The following PRDM2 variants were observed in gnomAD, a reference collection of about 807,000 sequenced individuals.
PRDM2 encodes the protein PR/SET domain 2.
Under a neutral mutation model 130.0 loss-of-function variants are expected in PRDM2, and 30 were observed. The ratio of observed to expected loss-of-function variants is 0.23; its 90% CI spans 0.17 to 0.31. PRDM2 has a LOEUF of 0.31. Ranked by LOEUF, PRDM2 falls within the 10% of genes least tolerant of loss-of-function variation. The pLI, the probability that PRDM2 is intolerant of heterozygous loss-of-function variation, is 1.00. For missense variants in PRDM2, 2,011 were observed against 2,108.4 expected (o/e 0.95, Z 0.90); for synonymous variants, 871 against 782.4 (o/e 1.11, Z -1.89).
At chr1:13,774,924 T>C (rs2744695) in intron 7 of PRDM2, among the ~76,000 whole-genome samples, 10 of 148,930 alleles carry the variant, frequency 6.7e-5, no homozygotes, top group South Asian at 6.3e-4. Flanking sequence ...GCCGAGATCG[T>C]GCCACTGCAC....
chr1:13,781,822 G>C lies in PRDM2; in HGVS notation c.4027G>C (p.Asp1343His). The C allele has an allele frequency of 6.2e-7, 1 of 1,614,134 alleles. No individual in the cohort carries two copies. Among genetic ancestry groups the C allele is most frequent in the Non-Finnish European group, 8.5e-7 (1 of 1,180,036 alleles). ...IRCTKCGKGV[D>H]NMPELHKHIL... The stretch of plus-strand genomic sequence containing the variant: ...CTGCACAAAGTGTGGAAAAGGTGTC[G>C]ACAATATGCCGGAGTTGCACAAACA... The change falls in exon 8 of 10, where the codon GAC becomes CAC. Residue 1343 changes from aspartate (D) to histidine (H), a missense_variant. Asp to His is a moderately conservative substitution (Grantham distance 81). Coordinates refer to ENST00000311066, the MANE Select transcript of PRDM2 (RefSeq NM_001393986.1). The surrounding 1 kb of genome is among the most constrained non-coding windows in gnomAD (Gnocchi z 6.1).
At chr1:13,772,299 T>C (rs1644377269) in intron 6 of PRDM2, 1 of 152,246 alleles carries the variant, frequency 6.6e-6, no homozygotes, top group South Asian at 2.1e-4. Flanking sequence ...GTATTATTAC[T>C]CCTATAGATA....
chr1:13,765,332 C>T (rs1644199194), intron 6 of PRDM2, among the ~76,000 whole-genome samples: 1 of 152,170 alleles, frequency 6.6e-6, no homozygotes, highest in Non-Finnish European at 1.5e-5. Context: ...TTTAGGTATC[C>T]ATTTCCAGCT....
At position 13,763,129 on chromosome 1, in the gene PRDM2, G is replaced by A. The variant is rs1295673738; in HGVS notation, c.512-9949G>A. Among the ~76,000 whole-genome samples the A allele has an allele frequency of 3.3e-5, 5 of 152,186 alleles. No homozygotes were observed. The East Asian group carries it at 9.6e-4, about 29-fold the overall frequency. On this transcript the variant is annotated intron_variant, in intron 6 of 9. Transcript: ENST00000311066. ...TAAGAGAAGCAAAATAAAGGCTGAG[G>A]TAAAGAATGATGATCACAGCCAACT...
chr1:13,758,173 G>C (rs1189074277), intron 6 of PRDM2, among the ~76,000 whole-genome samples: 3 of 152,098 alleles, frequency 2.0e-5, no homozygotes. Flanking sequence ...GCCAGGCGCG[G>C]TGGCTCACAC....
Position 13,781,321 on chromosome 1 carries a change from G to A in PRDM2, c.3526G>A (p.Asp1176Asn), listed in dbSNP as rs760500682. The change falls in exon 8 of 10, where the codon GAC becomes AAC. Residue 1176 changes from aspartate (D) to asparagine (N), a missense_variant. Physicochemically the swap from Asp to Asn is conservative, Grantham distance 23. Transcript: ENST00000311066. This position sits in a 1 kb window ranked among gnomAD's most constrained non-coding sequence, Gnocchi z 6.1. ...FCVQLFKDKT[D>N]LSEHRFLLHG... is the part of the protein sequence containing the mutation. ...TGTGCAGCTTTTTAAGGATAAAACGGACTTGTCAGAACATCGCTTTTTGCT... is the reference window on the plus strand; with the variant it reads ...TGTGCAGCTTTTTAAGGATAAAACGAACTTGTCAGAACATCGCTTTTTGCT... The A allele has an allele frequency of 6.2e-7, 1 of 1,614,176 alleles. No individual in the cohort carries two copies. Among genetic ancestry groups the A allele is most frequent in the Non-Finnish European group, 8.5e-7 (1 of 1,180,034 alleles).
chr1:13,779,475 C>G lies in PRDM2; in HGVS notation c.1680C>G (p.Ser560Arg). The stretch of plus-strand genomic sequence containing the variant: ...ATGTGTACATCATGGACATTTCTAG[C>G]AATATCTCTGAAAACTTAAATTACT... The part of the protein sequence containing the change: ...ADDVYIMDIS[S>R]NISENLNYYI... Residue 560 changes from serine to arginine, a missense_variant, in exon 8 of 10, where the codon AGC (serine) becomes AGG (arginine). Physicochemically the swap from Ser to Arg is moderately radical, Grantham distance 110. Coordinates refer to ENST00000311066, the MANE Select transcript of PRDM2 (RefSeq NM_001393986.1). The surrounding 1 kb of genome is among the most constrained non-coding windows in gnomAD (Gnocchi z 4.9). The G allele has an allele frequency of 6.2e-7, 1 of 1,614,056 alleles. No homozygotes were observed. Among genetic ancestry groups the G allele is most frequent in the Non-Finnish European group, 8.5e-7 (1 of 1,179,930 alleles).
intron 8 of PRDM2, among the ~76,000 whole-genome samples, chr1:13,783,694 TC>T (rs148909333): frequency 6.6e-6 from 1 of 152,332 alleles, no homozygotes; most frequent in Non-Finnish European, 1.5e-5. Flanking sequence ...TTCTCAAACT[TC>T]CTGAGTCCTT....
At chr1:13,772,431 C>T (rs1644380256) in intron 6 of PRDM2, among the ~76,000 whole-genome samples, 1 of 152,142 alleles carries the variant, frequency 6.6e-6, no homozygotes, top group Admixed American at 6.5e-5. Context: ...TTCTGAATTC[C>T]ATCCTCTGAA....
chr1:13,763,435 C>G (rs551305530), intron 6 of PRDM2, among the ~76,000 whole-genome samples: 1 of 152,116 alleles, frequency 6.6e-6, no homozygotes, highest in African/African-American at 2.4e-5. Context: ...TTTTTAATCC[C>G]TTTAAAGTCT....
At chr1:13,739,374 G>A (rs1165089456) in intron 4 of PRDM2, among the ~76,000 whole-genome samples, 2 of 152,024 alleles carry the variant, frequency 1.3e-5, no homozygotes, top group Non-Finnish European at 2.9e-5. Flanking sequence ...AATCATCAAC[G>A]TATTGTGAAT....
At chr1:13,740,229 G>T (rs2100501757) in intron 4 of PRDM2, among the ~76,000 whole-genome samples, 1 of 152,326 alleles carries the variant, frequency 6.6e-6, no homozygotes, top group Non-Finnish European at 1.5e-5. Context: ...CCTGAGGCAG[G>T]TAGATAGACT....
intron 8 of PRDM2, chr1:13,787,813 T>A (rs1644772210): frequency 1.0e-6 from 1 of 982,006 alleles, no homozygotes; most frequent in Admixed American, 6.2e-5. Flanking sequence ...ACTATTCTAA[T>A]GAAAACATTA....
rs187611629 is a variant in PRDM2, at chr1:13,814,819, G to A, written c.5037-1608G>A. On this transcript the variant is annotated intron_variant, in intron 8 of 9. Transcript: ENST00000311066. ...ACCTGGAGCAGGTAGGGTTCCGGGC[G>A]TGTTTGTCCCTCCTGCTTTCCTACC... Among the ~76,000 whole-genome samples the A allele has an allele frequency of 1.6e-4, 25 of 152,320 alleles. No homozygotes were observed. In the East Asian group the frequency reaches 3.7e-3, roughly 22 times the overall value.
chr1:13,787,839 C>T (rs1029358243), intron 8 of PRDM2: 13 of 982,348 alleles, frequency 1.3e-5, no homozygotes, highest in Non-Finnish European at 1.6e-5. Context: ...TACAATTTGA[C>T]ATACAAAAAG....
At chr1:13,729,786 G>A (rs888675929) in intron 2 of PRDM2, among the ~76,000 whole-genome samples, 3 of 152,120 alleles carry the variant, frequency 2.0e-5, no homozygotes, top group Non-Finnish European at 2.9e-5. Context: ...GGCTCTGCAC[G>A]AGAGACAAAC....
intron 2 of PRDM2, chr1:13,722,696 C>A: frequency 5.5e-6 from 2 of 365,612 alleles, no homozygotes; most frequent in African/African-American, 2.1e-5. Context: ...CCACCCTCAC[C>A]CATTCCCATT....
intron 8 of PRDM2, chr1:13,786,727 A>C: frequency 2.1e-6 from 3 of 1,422,950 alleles, no homozygotes; most frequent in Non-Finnish European, 2.8e-6. Context: ...CCCAACGCGC[A>C]TGCTGGGCGC....
At chr1:13,792,212 TC>T (rs1644851754) in intron 8 of PRDM2, among the ~76,000 whole-genome samples, 1 of 152,224 alleles carries the variant, frequency 6.6e-6, no homozygotes, top group Admixed American at 6.5e-5. Context: ...GAATCCTACA[TC>T]TACTGAGTCT....
Sources: gnomAD v4.1 joint callset for allele counts (sites outside exome capture counted in the v4.1 genomes callset) on GRCh38, gnomAD v4.1.1 for gene constraint, Gnocchi (gnomAD v3.1) non-coding constraint, MANE v1.5 for transcripts, NCBI Gene and HGNC (gene_info 2026-07-23, HGNC 2026-07-21) for gene names.